Variants in NFIX observed in about 807,000 individuals in gnomAD.
NFIX encodes nuclear factor I X.
A neutral mutation model predicts 53.3 loss-of-function variants in NFIX; 2 were observed. The observed-to-expected ratio is 0.04, with a 90% CI of 0.02 to 0.12. The LOEUF is 0.12. Among genes scored for constraint, NFIX ranks in the 10% least tolerant of loss-of-function variants. The probability of loss-of-function intolerance (pLI) is 1.00; values close to 1 mark genes in which losing one functional copy is unlikely to be tolerated. For synonymous variants in NFIX, 244 were observed against 289.0 expected (o/e 0.84, Z 1.58); for missense variants, 310 against 674.5 (o/e 0.46, Z 5.99).
chr19:13,008,051 A>G (rs1250195468), intron 1 of NFIX, among the ~76,000 whole-genome samples: 1 of 152,176 alleles, frequency 6.6e-6, no homozygotes, highest in Non-Finnish European at 1.5e-5. Context: ...AATACATACA[A>G]CAAACACACA....
intron 2 of NFIX, among the ~76,000 whole-genome samples, chr19:13,048,302 G>A (rs961360672): frequency 6.6e-6 from 1 of 152,108 alleles, no homozygotes; most frequent in Admixed American, 6.5e-5. Flanking sequence ...GTACCTCCCA[G>A]TACTCCTGGC....
At chr19:13,026,653 T>G (rs901759716) in intron 2 of NFIX, among the ~76,000 whole-genome samples, 1 of 152,048 alleles carries the variant, frequency 6.6e-6, no homozygotes, top group Admixed American at 6.5e-5. Context: ...GGCGGCACTC[T>G]GTGATTAAGC....
In NFIX at chr19:13,073,192, C is replaced by A; in HGVS notation, c.622+83C>A. 7.6e-7 allele frequency: 1 copy of A among 1,320,794 alleles called. No homozygotes were observed. Among genetic ancestry groups the A allele is most frequent in the Non-Finnish European group, 1.1e-6 (1 of 913,084 alleles). The allele number at this position is 1,320,794 out of a possible 1,614,324, so 81.8% of individuals were successfully genotyped here. A position where few individuals can be genotyped will look rare whatever the true frequency, so the allele number is the denominator to read the frequency against. On this transcript the variant is annotated intron_variant, in intron 3 of 10. Transcript: ENST00000592199. This position sits in a 1 kb window ranked among gnomAD's most constrained non-coding sequence, Gnocchi z 4.5. Reference sequence around the variant, plus strand: ...CCCCACCCTGGCTGCCCTGGCCACCCTCACTTCTTCCCCTTCATTCAGCTG... The same window carrying A: ...CCCCACCCTGGCTGCCCTGGCCACCATCACTTCTTCCCCTTCATTCAGCTG...
chr19:13,031,878 CAG>C (rs942282834), intron 2 of NFIX, among the ~76,000 whole-genome samples: 4 of 152,122 alleles, frequency 2.6e-5, no homozygotes, highest in African/African-American at 9.7e-5. Flanking sequence ...AGCAGCTGGG[CAG>C]AGAGGGGACA....
At chr19:13,019,808 C>T (rs1171975440) in intron 1 of NFIX, among the ~76,000 whole-genome samples, 1 of 150,862 alleles carries the variant, frequency 6.6e-6, no homozygotes, top group Non-Finnish European at 1.5e-5. Flanking sequence ...AGCAAAATCC[C>T]TTTCCACAAA....
At position 13,045,099 on chromosome 19, in the gene NFIX, G is replaced by C. The variant is rs1271034880; in HGVS notation, c.559+19547G>C. ...AGGGCTCAGCACCCTGACCACATGG[G>C]CTCCATGCTGAAGGCTGCTTTACTT... is the stretch of plus-strand genomic sequence containing the variant. On this transcript the variant is annotated intron_variant, in intron 2 of 10. Transcript: ENST00000592199. The surrounding 1 kb of genome is among the most constrained non-coding windows in gnomAD (Gnocchi z 4.4). 6.6e-6 allele frequency among the ~76,000 whole-genome samples: 1 copy of C among 152,196 alleles called. No homozygotes were observed. The highest frequency in any genetic ancestry group is 1.5e-5 in the Non-Finnish European group (1 of 68,028).
Position 13,009,214 on chromosome 19 carries a change from C to T in NFIX, c.27+13350C>T, listed in dbSNP as rs545889285. Among the ~76,000 whole-genome samples, 8 of 152,292 alleles carry T rather than the reference C, an allele frequency of 5.3e-5. No homozygotes were observed. Among genetic ancestry groups the T allele is most frequent in the African/African-American group, 1.7e-4 (7 of 41,566 alleles). On this transcript the variant is annotated intron_variant, in intron 1 of 10. Coordinates refer to ENST00000592199, the MANE Select transcript of NFIX (RefSeq NM_001365902.3). The surrounding 1 kb of genome is among the most constrained non-coding windows in gnomAD (Gnocchi z 4.7). ...ACAGTCGCACACACAGCCAGCCTCA[C>T]GCGATCACACCAAGCGTCACAGCTT...
chr19:13,081,304 A>G lies in NFIX; in HGVS notation c.1079-376A>G, dbSNP rs911369793. On this transcript the variant is annotated intron_variant, in intron 7 of 10. Transcript: ENST00000592199. The surrounding 1 kb of genome is among the most constrained non-coding windows in gnomAD (Gnocchi z 4.7). ...GGATGACAGAGCGAGACCCTGTCTC[A>G]AATAATAATAATAACACTTTTTTAA... 2.0e-5 allele frequency among the ~76,000 whole-genome samples: 3 copies of G among 152,092 alleles called. No individual in the cohort carries two copies. Among genetic ancestry groups the G allele is most frequent in the Non-Finnish European group, 4.4e-5 (3 of 68,016 alleles).
Position 13,049,527 on chromosome 19 carries a change from G to A in NFIX, c.560-23520G>A, listed in dbSNP as rs150548582. 9.8e-4 allele frequency among the ~76,000 whole-genome samples: 148 copies of A among 151,736 alleles called. 4 individuals carry two copies. In the East Asian group the frequency reaches 0.026, roughly 26 times the overall value. ...TCATACACTATGTGGTCTTCATGTC[G>A]GGCTTCTTTCACGGAGCATAATGTT... On this transcript the variant is annotated intron_variant, in intron 2 of 10. Coordinates refer to ENST00000592199, the MANE Select transcript of NFIX (RefSeq NM_001365902.3). This position sits in a 1 kb window ranked among gnomAD's most constrained non-coding sequence, Gnocchi z 4.5.
intron 1 of NFIX, among the ~76,000 whole-genome samples, chr19:13,010,747 C>G (rs956561935): frequency 5.3e-5 from 8 of 152,230 alleles, no homozygotes; most frequent in Non-Finnish European, 1.0e-4. Flanking sequence ...ACCTCCCCAG[C>G]CTGCACACGC....
rs1313908289 is a variant in NFIX at position 13,096,506 on chromosome 19, C to G, written c.*1857C>G. 6.6e-6 allele frequency: 1 copy of G among 152,142 alleles called. No homozygotes were observed. Among genetic ancestry groups the G allele is most frequent in the Admixed American group, 6.5e-5 (1 of 15,286 alleles). The allele number at this position is 152,142 out of a possible 1,614,324, so 9.4% of individuals were successfully genotyped here. A position where few individuals can be genotyped will look rare whatever the true frequency, so the allele number is the denominator to read the frequency against. On this transcript the variant is annotated 3_prime_UTR_variant, in exon 11 of 11. Coordinates refer to ENST00000592199, the MANE Select transcript of NFIX (RefSeq NM_001365902.3). The stretch of plus-strand genomic sequence containing the variant: ...GTTGGAAGTTGAGTGAAGCCCTCCC[C>G]CTGTCCTCAGCGTGCAGCCCTAGAG...
At chr19:13,019,222 G>A (rs1295291532) in intron 1 of NFIX, among the ~76,000 whole-genome samples, 1 of 152,134 alleles carries the variant, frequency 6.6e-6, no homozygotes, top group Non-Finnish European at 1.5e-5. Context: ...GTGCGGGCAG[G>A]TTGCAAAACC....
In NFIX at chr19:13,028,877, A is replaced by G. The variant is rs966388132; in HGVS notation, c.559+3325A>G. 1.3e-4 allele frequency among the ~76,000 whole-genome samples: 19 copies of G among 151,998 alleles called. No homozygotes were observed. Among genetic ancestry groups the G allele is most frequent in the African/African-American group, 4.6e-4 (19 of 41,366 alleles). On this transcript the variant is annotated intron_variant, in intron 2 of 10. Transcript: ENST00000592199. This position sits in a 1 kb window ranked among gnomAD's most constrained non-coding sequence, Gnocchi z 4.2. Reference sequence around the variant, plus strand: ...AGACTATCTCCAAAGTTTCTGCAGCACCCTGAAGGTGAACCAGTGCCTTCA... The same window carrying G: ...AGACTATCTCCAAAGTTTCTGCAGCGCCCTGAAGGTGAACCAGTGCCTTCA...
At position 13,013,623 on chromosome 19, in the gene NFIX, T is replaced by G. The variant is rs1018417846; in HGVS notation, c.28-11398T>G. ...CTTAGCTTTTTTTTTCCCCCCTTAC[T>G]CTTCGAGTCTTTTTCCTCTTCTCTA... On this transcript the variant is annotated intron_variant, in intron 1 of 10. Transcript: ENST00000592199. The surrounding 1 kb of genome is among the most constrained non-coding windows in gnomAD (Gnocchi z 5.9). 2 of 151,322 alleles carry G rather than the reference T, an allele frequency of 1.3e-5. No individual in the cohort carries two copies. Among genetic ancestry groups the G allele is most frequent in the Non-Finnish European group, 2.9e-5 (2 of 67,904 alleles). 9.4% of individuals were successfully genotyped at this position (151,322 alleles called of 1,614,324 possible). A position where few individuals can be genotyped will look rare whatever the true frequency, so the allele number is the denominator to read the frequency against.
rs2013514995 is a variant in NFIX at position 13,028,140 on chromosome 19, T to A, written c.559+2588T>A. ...ACATTTCTTGCTTTGCTAGAAAATG[T>A]CTTCTGTGGCTGAGCCACCAAAGAG... On this transcript the variant is annotated intron_variant, in intron 2 of 10. Transcript: ENST00000592199. This position sits in a 1 kb window ranked among gnomAD's most constrained non-coding sequence, Gnocchi z 4.2. Among the ~76,000 whole-genome samples, 1 of 152,192 alleles carries A rather than the reference T, an allele frequency of 6.6e-6. No homozygotes were observed. The highest frequency in any genetic ancestry group is 2.4e-5 in the African/African-American group (1 of 41,452).
At chr19:13,010,262 G>A (rs1270024903) in intron 1 of NFIX, among the ~76,000 whole-genome samples, 1 of 152,152 alleles carries the variant, frequency 6.6e-6, no homozygotes, top group East Asian at 1.9e-4. Context: ...GGGTCCGGAC[G>A]GCGGCCCTCG....
rs2016429905 is a variant in NFIX at position 13,066,752 on chromosome 19, T to G, written c.560-6295T>G. Among the ~76,000 whole-genome samples, 1 of 152,070 alleles carries G rather than the reference T, an allele frequency of 6.6e-6. No individual in the cohort carries two copies. Among genetic ancestry groups the G allele is most frequent in the Non-Finnish European group, 1.5e-5 (1 of 68,004 alleles). ...GTGTGTGCATGTGTGTGTGTGTTTGTGCACATGTGTGTGTGCACATGCATG... is the reference window on the plus strand; with the variant it reads ...GTGTGTGCATGTGTGTGTGTGTTTGGGCACATGTGTGTGTGCACATGCATG... On this transcript the variant is annotated intron_variant, in intron 2 of 10. Transcript: ENST00000592199. The surrounding 1 kb of genome is among the most constrained non-coding windows in gnomAD (Gnocchi z 4.2).
At chr19:13,055,039 G>T (rs1031573267) in intron 2 of NFIX, among the ~76,000 whole-genome samples, 9 of 152,052 alleles carry the variant, frequency 5.9e-5, no homozygotes. Context: ...GATGGGTGGG[G>T]CCCACTTTTC....
Position 13,021,523 on chromosome 19 carries a change from G to A in NFIX, c.28-3498G>A, listed in dbSNP as rs576401994. Among the ~76,000 whole-genome samples, 4 of 152,178 alleles carry A rather than the reference G, an allele frequency of 2.6e-5. No homozygotes were observed. The highest frequency in any genetic ancestry group is 2.4e-5 in the African/African-American group (1 of 41,438). ...TTTCAGTTGGGGAAGAAAGGGGCAC[G>A]AGTGAGCAGTGACCTTTTTTCCGTC... On this transcript the variant is annotated intron_variant, in intron 1 of 10. Transcript: ENST00000592199. The surrounding 1 kb of genome is among the most constrained non-coding windows in gnomAD (Gnocchi z 4.2).
Sources: gnomAD v4.1 joint callset for allele counts (sites outside exome capture counted in the v4.1 genomes callset) on GRCh38, gnomAD v4.1.1 for gene constraint, Gnocchi (gnomAD v3.1) non-coding constraint, MANE v1.5 for transcripts, NCBI Gene and HGNC (gene_info 2026-07-23, HGNC 2026-07-21) for gene names.